Variants in COX15 observed in about 807,000 individuals in gnomAD.
COX15 encodes cytochrome c oxidase assembly factor COX15.
COX15 carries 51 observed loss-of-function variants against 51.9 expected under a neutral mutation model. The observed-to-expected ratio is 0.98, with a 90% CI of 0.78 to 1.24. The LOEUF (loss-of-function observed/expected upper bound fraction) is 1.24. COX15 is among the 50% of genes most tolerant of loss of function. The pLI is 0.00. For synonymous variants in COX15, 188 were observed against 190.5 expected, an observed-to-expected ratio of 0.99 and a Z score of 0.11; for missense variants, 420 against 501.1, an observed-to-expected ratio of 0.84 and a Z score of 1.55.
In COX15 at chr10:99,711,370, G is replaced by C. The variant is rs2036380608; in HGVS notation, c.*3217C>G. 2 of 985,280 alleles carry C rather than the reference G, an allele frequency of 2.0e-6. No homozygotes were observed. The highest frequency in any genetic ancestry group is 3.5e-5 in the African/African-American group (2 of 57,220). The allele number at this position is 985,280 out of a possible 1,614,324, so 61.0% of individuals were successfully genotyped here. On this transcript the variant is annotated 3_prime_UTR_variant, in exon 9 of 9. Transcript: ENST00000016171. The stretch of plus-strand genomic sequence containing the variant: ...AGGACAACCTGGGTTTGAGGATCAG[G>C]AGAGGATGGTGTGGGAACCTGCCTC...
chr10:99,713,244 G>T lies in COX15; in HGVS notation c.*1343C>A. 1 of 1,425,788 alleles carries T rather than the reference G, an allele frequency of 7.0e-7. No homozygotes were observed. The highest frequency in any genetic ancestry group is 9.4e-7 in the Non-Finnish European group (1 of 1,064,296). 88.3% of individuals were successfully genotyped at this position (1,425,788 alleles called of 1,614,324 possible). On this transcript the variant is annotated 3_prime_UTR_variant, in exon 9 of 9. Transcript: ENST00000016171. Reference sequence around the variant, plus strand: ...AAATCCCGTCTTTTTTATATGAAATGATATAAGGCCAGGTTTCTTCAGCCC... The same window carrying T: ...AAATCCCGTCTTTTTTATATGAAATTATATAAGGCCAGGTTTCTTCAGCCC...
Position 99,713,675 on chromosome 10 carries a change from C to CA in COX15, c.*911dup. 1.2e-6 allele frequency: 1 copy of CA among 836,464 alleles called. No homozygotes were observed. The highest frequency in any genetic ancestry group is 1.8e-6 in the Non-Finnish European group (1 of 557,764). 51.8% of individuals were successfully genotyped at this position (836,464 alleles called of 1,614,324 possible). A position where few individuals can be genotyped will look rare whatever the true frequency, so the allele number is the denominator to read the frequency against. On this transcript the variant is annotated 3_prime_UTR_variant, in exon 9 of 9. Coordinates refer to ENST00000016171, the MANE Select transcript of COX15 (RefSeq NM_078470.6). The stretch of plus-strand genomic sequence containing the variant: ...GACCTTGTAATGTTAACAGCCTTAT[C>CA]AAAAGAGGAACTAGCTGGGCGTGGT...
At chr10:99,721,132 T>G (rs1407458681) in intron 5 of COX15, 64 bp from the exon 6 acceptor site, 3 of 1,353,102 alleles carry the variant, frequency 2.2e-6, no homozygotes, top group Non-Finnish European at 3.1e-6. Context: ...GCAGCAAAGA[T>G]CTCTAAGGCC....
intron 5 of COX15, among the ~76,000 whole-genome samples, chr10:99,723,728 AC>A (rs1310829232): frequency 6.6e-6 from 1 of 152,158 alleles, no homozygotes; most frequent in Non-Finnish European, 1.5e-5. Context: ...GATCTTTCTC[AC>A]TTTGCCATCC....
downstream of COX15, chr10:99,710,312 T>G (rs1209944502): frequency 1.0e-6 from 1 of 985,342 alleles, no homozygotes; most frequent in Admixed American, 6.1e-5. Context: ...TCAGTTACTA[T>G]GTTGTATTTG....
chr10:99,726,181 G>A (rs1454391025), intron 4 of COX15, among the ~76,000 whole-genome samples: 1 of 152,110 alleles, frequency 6.6e-6, no homozygotes, highest in Non-Finnish European at 1.5e-5. Context: ...CCCACAAAGT[G>A]TTTCTCTCTT....
downstream of COX15, chr10:99,710,484 T>C (rs1172203605): frequency 7.1e-6 from 7 of 985,324 alleles, no homozygotes; most frequent in Non-Finnish European, 8.4e-6. Context: ...CTGTATTACA[T>C]TGCTTTGGGG....
intron 1 of COX15, among the ~76,000 whole-genome samples, chr10:99,730,585 CAA>C (rs11440363): frequency 6.7e-6 from 1 of 149,276 alleles, no homozygotes; most frequent in Non-Finnish European, 1.5e-5. Flanking sequence ...CTCCATCTCT[CAA>C]AAAAAAAAGT....
At position 99,711,513 on chromosome 10, in the gene COX15, G is replaced by A. The variant is rs1263251249; in HGVS notation, c.*3074C>T. The A allele has an allele frequency of 8.2e-5, 81 of 985,306 alleles. No homozygotes were observed. Among genetic ancestry groups the A allele is most frequent in the Non-Finnish European group, 9.5e-5 (79 of 829,930 alleles). The allele number at this position is 985,306 out of a possible 1,614,324, so 61.0% of individuals were successfully genotyped here. ...ATAAGGTGGGGTGGAAATTAGAAGG[G>A]AATGGGAATAAGCTAGTCAGAACTT... On this transcript the variant is annotated 3_prime_UTR_variant, in exon 9 of 9. Coordinates refer to ENST00000016171, the MANE Select transcript of COX15 (RefSeq NM_078470.6).
rs896445412 is a variant in COX15 at position 99,729,480 on chromosome 10, T to C, written c.272+73A>G. The C allele has an allele frequency of 4.1e-4, 515 of 1,270,460 alleles. 2 individuals carry two copies. The highest frequency in any genetic ancestry group is 5.6e-4 in the Non-Finnish European group (498 of 894,518). The allele number at this position is 1,270,460 out of a possible 1,614,324, so 78.7% of individuals were successfully genotyped here. A position where few individuals can be genotyped will look rare whatever the true frequency, so the allele number is the denominator to read the frequency against. On this transcript the variant is annotated intron_variant, in intron 2 of 8. Coordinates refer to ENST00000016171, the MANE Select transcript of COX15 (RefSeq NM_078470.6). The stretch of plus-strand genomic sequence containing the variant: ...GTCTCAAAAAAAAAAAAAAAAAAAA[T>C]CCTTTCTCCTCAGTCAACCTGTGCT...
In COX15 at chr10:99,731,993, C is replaced by T. The variant is rs2037172836; in HGVS notation, c.57G>A (p.Pro19=). 1 of 1,612,722 alleles carries T rather than the reference C, an allele frequency of 6.2e-7. No homozygotes were observed. The highest frequency in any genetic ancestry group is 8.5e-7 in the Non-Finnish European group (1 of 1,179,652). Residue 19 remains proline (P), a synonymous_variant, in exon 1 of 9, where the codon CCG becomes CCA. Coordinates refer to ENST00000016171, the MANE Select transcript of COX15 (RefSeq NM_078470.6). Reference sequence around the variant, plus strand: ...TAGGCGCTGCCCTAGGAGCCAGGAGCGGCAGATACTGCCTCCCCTTCAAGG... The same window carrying T: ...TAGGCGCTGCCCTAGGAGCCAGGAGTGGCAGATACTGCCTCCCCTTCAAGG... ...LRALKGRQYL[P]LLAPRAAPRA... is the part of the protein sequence containing the mutation.
intron 1 of COX15, 115 bp downstream of exon 1, chr10:99,731,845 G>A: frequency 7.5e-7 from 1 of 1,329,360 alleles, no homozygotes; most frequent in South Asian, 1.3e-5. Context: ...CCTATGCGTT[G>A]TGAGTGCACT....
chr10:99,704,609 C>A, the COX15 span: 11 of 1,614,056 alleles, frequency 6.8e-6, no homozygotes, highest in Middle Eastern at 1.6e-4. Flanking sequence ...CCGACAAACA[C>A]GAGCCTCAGC....
chr10:99,715,016 G>T (rs2036521429), intron 8 of COX15, among the ~76,000 whole-genome samples: 1 of 152,060 alleles, frequency 6.6e-6, no homozygotes, highest in Admixed American at 6.5e-5. Context: ...ATATAGTTTT[G>T]TGCTTTTAAA....
the COX15 span, among the ~76,000 whole-genome samples, chr10:99,701,468 T>C: frequency 6.6e-6 from 1 of 151,686 alleles, no homozygotes; most frequent in East Asian, 2.0e-4. Context: ...TTGTATTTTT[T>C]TGTAGAGACG....
At chr10:99,708,326 T>C (rs947183944), downstream of COX15, among the ~76,000 whole-genome samples, 2 of 152,216 alleles carry the variant, frequency 1.3e-5, no homozygotes, top group Non-Finnish European at 2.9e-5. Flanking sequence ...CTCACTGATA[T>C]CATCTAAACA....
chr10:99,702,738 G>C, the COX15 span: 6 of 1,433,864 alleles, frequency 4.2e-6, no homozygotes, highest in Non-Finnish European at 4.6e-6. Context: ...CCTCAGAATC[G>C]GTTTCTTTCT....
chr10:99,714,170 TTTCAATCTTCACCTAATGGAAG>T lies in COX15; in HGVS notation c.*395_*416del, dbSNP rs1284419600. On this transcript the variant is annotated 3_prime_UTR_variant, in exon 9 of 9. Coordinates refer to ENST00000016171, the MANE Select transcript of COX15 (RefSeq NM_078470.6). ...TACTTTGGGTATGTCAATCCTATCC[TTTCAATCTTCACCTAATGGAAG>T]TGAAGTTAAGATCATAAAGAAATTC... 9.6e-4 allele frequency: 1,015 copies of T among 1,059,464 alleles called. No individual in the cohort carries two copies. Among genetic ancestry groups the T allele is most frequent in the Admixed American group, 1.3e-3 (26 of 20,344 alleles). 65.6% of individuals were successfully genotyped at this position (1,059,464 alleles called of 1,614,324 possible).
At chr10:99,709,933 C>T (rs1432490214), downstream of COX15, 21 of 985,332 alleles carry the variant, frequency 2.1e-5, no homozygotes, top group Non-Finnish European at 2.5e-5. Flanking sequence ...AAAACTGAAT[C>T]ATTACTCATA....
Sources: gnomAD v4.1 joint callset for allele counts (sites outside exome capture counted in the v4.1 genomes callset) on GRCh38, gnomAD v4.1.1 for gene constraint, MANE v1.5 for transcripts, NCBI Gene and HGNC (gene_info 2026-07-23, HGNC 2026-07-21) for gene names.